The following PLCB1 variants were observed in gnomAD, a reference collection of about 807,000 sequenced individuals.
PLCB1 encodes the protein 1-phosphatidylinositol 4,5-bisphosphate phosphodiesterase beta-1.
Under a neutral mutation model 161.8 loss-of-function variants are expected in PLCB1, and 46 were observed. That is an observed-to-expected ratio of 0.28 (90% CI 0.22 to 0.36). The LOEUF (loss-of-function observed/expected upper bound fraction) is 0.36. PLCB1 is among the 10% of genes least tolerant of loss of function. The probability of loss-of-function intolerance (pLI) is 1.00; values close to 1 mark genes in which losing one functional copy is unlikely to be tolerated. For missense variants in PLCB1, 1,016 were observed against 1,472.5 expected, an observed-to-expected ratio of 0.69 and a Z score of 5.07; for synonymous variants, 517 against 503.7, an observed-to-expected ratio of 1.03 and a Z score of -0.35.
chr20:8,167,567 T>C (rs1431793989), intron 2 of PLCB1, among the ~76,000 whole-genome samples: 1 of 152,202 alleles, frequency 6.6e-6, no homozygotes, highest in Non-Finnish European at 1.5e-5. Context: ...AAAAGGAAAG[T>C]AATTTCTTTC....
At chr20:8,643,694 C>T (rs1989028903) in intron 4 of PLCB1, among the ~76,000 whole-genome samples, 1 of 151,728 alleles carries the variant, frequency 6.6e-6, no homozygotes, top group Non-Finnish European at 1.5e-5. Context: ...TCGAGACCAT[C>T]CTGGCTAACA....
At chr20:8,825,094 G>GT (rs1188347923) in intron 31 of PLCB1, among the ~76,000 whole-genome samples, 2 of 152,124 alleles carry the variant, frequency 1.3e-5, no homozygotes, top group Non-Finnish European at 2.9e-5. Flanking sequence ...TCATTCACAC[G>GT]TTTTTTGAAT....
intron 4 of PLCB1, among the ~76,000 whole-genome samples, chr20:8,629,877 C>CCT (rs1988496477): frequency 1.6e-5 from 1 of 64,374 alleles, no homozygotes; most frequent in Admixed American, 2.1e-4. Flanking sequence ...TTCTTTCTTT[C>CCT]TCTCTCTCTT....
intron 2 of PLCB1, among the ~76,000 whole-genome samples, chr20:8,190,341 ATT>A (rs2123107699): frequency 6.6e-6 from 1 of 152,252 alleles, no homozygotes; most frequent in Non-Finnish European, 1.5e-5. Flanking sequence ...TATTGAAAGT[ATT>A]TAGAGTTATT....
chr20:8,307,822 T>C (rs1237771329), intron 2 of PLCB1, among the ~76,000 whole-genome samples: 3 of 138,512 alleles, frequency 2.2e-5, no homozygotes, highest in African/African-American at 8.2e-5. Context: ...CTCGGGAGGC[T>C]GAAGCAGGAG....
intron 2 of PLCB1, among the ~76,000 whole-genome samples, chr20:8,303,843 G>T (rs1984011620): frequency 6.6e-6 from 1 of 152,154 alleles, no homozygotes; most frequent in South Asian, 2.1e-4. Flanking sequence ...TCAAAGTTTT[G>T]GCAGTAGGGT....
At chr20:8,629,851 T>C (rs561998159) in intron 4 of PLCB1, among the ~76,000 whole-genome samples, 1 of 99,020 alleles carries the variant, frequency 1.0e-5, no homozygotes, top group East Asian at 2.3e-4. Flanking sequence ...CTTTCTTTCT[T>C]TCTTTCTTTC....
At chr20:8,630,766 G>C (rs1988560454) in intron 4 of PLCB1, among the ~76,000 whole-genome samples, 1 of 152,142 alleles carries the variant, frequency 6.6e-6, no homozygotes, top group South Asian at 2.1e-4. Context: ...GTGGCTTTCA[G>C]GGAAGCTTTT....
Position 8,546,313 on chromosome 20 carries a change from CAAAAAAA to C in PLCB1, c.247-81962_247-81956del, listed in dbSNP as rs369485988. On this transcript the variant is annotated intron_variant, in intron 3 of 31. Transcript: ENST00000338037. ...GGATGACAAGAACAAGACTCTATCT[CAAAAAAA>C]AAAAAAAAAAAAAAAAAAGAAAGAA... 7.5e-3 allele frequency among the ~76,000 whole-genome samples: 775 copies of C among 102,914 alleles called. 14 individuals carry two copies. The highest frequency in any genetic ancestry group is 0.027 in the African/African-American group (704 of 26,488). The allele number at this position is 102,914 out of a possible 152,430, so 67.5% of individuals were successfully genotyped here.
At chr20:8,189,872 A>G (rs572113631) in intron 2 of PLCB1, among the ~76,000 whole-genome samples, 1 of 152,122 alleles carries the variant, frequency 6.6e-6, no homozygotes, top group African/African-American at 2.4e-5. Flanking sequence ...ACCATTTACC[A>G]TGTTTCAAGG....
intron 31 of PLCB1, among the ~76,000 whole-genome samples, chr20:8,871,633 CAG>C (rs1987612552): frequency 6.6e-6 from 1 of 152,150 alleles, no homozygotes; most frequent in African/African-American, 2.4e-5. Context: ...TTGCATGGGT[CAG>C]AGTGTTCAAA....
At chr20:8,774,356 CT>C (rs1344955998) in intron 26 of PLCB1, among the ~76,000 whole-genome samples, 182 bp from the exon 27 acceptor site, 2 of 152,298 alleles carry the variant, frequency 1.3e-5, no homozygotes, top group Admixed American at 1.3e-4. Context: ...CATTCAGTCT[CT>C]GGGATTGGAG....
At chr20:8,543,764 C>G (rs911854826) in intron 3 of PLCB1, among the ~76,000 whole-genome samples, 1 of 151,992 alleles carries the variant, frequency 6.6e-6, no homozygotes, top group Non-Finnish European at 1.5e-5. Flanking sequence ...GGGCAGTTCC[C>G]CCATGCTGTT....
intron 3 of PLCB1, among the ~76,000 whole-genome samples, chr20:8,454,139 C>A (rs1191143787): frequency 6.6e-6 from 1 of 152,156 alleles, no homozygotes; most frequent in Non-Finnish European, 1.5e-5. Context: ...GAAATAAATT[C>A]CTGTTGTTTA....
chr20:8,834,810 GAAAAAAAAAAAAA>G (rs10568816), intron 31 of PLCB1, among the ~76,000 whole-genome samples: 105 of 85,592 alleles, frequency 1.2e-3, no homozygotes, highest in Middle Eastern at 6.2e-3. Context: ...CTCTGCCTCA[GAAAAAAAAAAAAA>G]AAAAAAAAAA....
chr20:8,318,415 T>C (rs1175398069), intron 2 of PLCB1, among the ~76,000 whole-genome samples: 1 of 152,084 alleles, frequency 6.6e-6, no homozygotes, highest in Non-Finnish European at 1.5e-5. Flanking sequence ...TTTTAGGCCT[T>C]CTGAACCTTT....
intron 2 of PLCB1, among the ~76,000 whole-genome samples, chr20:8,214,903 G>GTGT (rs11471843): frequency 0.043 from 6,476 of 152,134 alleles, 421 homozygotes; most frequent in African/African-American, 0.14. Flanking sequence ...CTTGCTTGAG[G>GTGT]TGTGGCTGTG....
At chr20:8,157,418 G>A (rs1369616817) in intron 2 of PLCB1, among the ~76,000 whole-genome samples, 4 of 152,194 alleles carry the variant, frequency 2.6e-5, no homozygotes, top group African/African-American at 9.7e-5. Flanking sequence ...TACTGACCAA[G>A]ACCTTAGAGA....
At chr20:8,460,899 T>G (rs1325136299) in intron 3 of PLCB1, among the ~76,000 whole-genome samples, 1 of 152,162 alleles carries the variant, frequency 6.6e-6, no homozygotes, top group Non-Finnish European at 1.5e-5. Context: ...GAGAGCACAC[T>G]TTGAGTGGCA....
Sources: gnomAD v4.1 joint callset for allele counts (sites outside exome capture counted in the v4.1 genomes callset) on GRCh38, gnomAD v4.1.1 for gene constraint, MANE v1.5 for transcripts, NCBI Gene and HGNC (gene_info 2026-07-23, HGNC 2026-07-21) for gene names.